NEXN: variants seen among roughly 807,000 people sequenced by gnomAD.
The protein encoded by NEXN is nexilin F-actin binding protein.
Under a neutral mutation model 92.6 loss-of-function variants are expected in NEXN, and 65 were observed. The ratio of observed to expected loss-of-function variants is 0.70; its 90% CI spans 0.57 to 0.86. NEXN has a LOEUF of 0.86. NEXN is among the 40% of genes least tolerant of loss of function. The probability of loss-of-function intolerance (pLI) is 0.00; values close to 1 mark genes in which losing one functional copy is unlikely to be tolerated. For missense variants in NEXN, 778 were observed against 771.1 expected (o/e 1.01, Z -0.11); for synonymous variants, 254 against 242.5 (o/e 1.05, Z -0.44).
At chr1:77,933,187 C>G in intron 9 of NEXN, 95 bp from the exon 10 acceptor site, 1 of 879,790 alleles carries the variant, frequency 1.1e-6, no homozygotes, top group Admixed American at 2.7e-5. Flanking sequence ...AAACTAAAAA[C>G]AAACAAAAAA....
chr1:77,933,601 G>A (rs1341427219), intron 10 of NEXN, 122 bp downstream of exon 10: 1 of 786,382 alleles, frequency 1.3e-6, no homozygotes, highest in Non-Finnish European at 2.1e-6. Context: ...GTATTATGAG[G>A]TGCTTACATG....
intron 11 of NEXN, among the ~76,000 whole-genome samples, chr1:77,938,553 A>T (rs944056494): frequency 5.3e-5 from 8 of 150,242 alleles, no homozygotes; most frequent in Non-Finnish European, 1.0e-4. Context: ...GGAGGCTGAG[A>T]CTGCACTCCA....
Position 77,943,203 on chromosome 1 carries a change from G to A in NEXN, c.*374G>A. Reference sequence around the variant, plus strand: ...TATTATAAAGACTGTATTTCCCATAGACGTTTACAGCAACTATGTTTAAAA... The same window carrying A: ...TATTATAAAGACTGTATTTCCCATAAACGTTTACAGCAACTATGTTTAAAA... On this transcript the variant is annotated 3_prime_UTR_variant, in exon 13 of 13. Coordinates refer to ENST00000334785, the MANE Select transcript of NEXN (RefSeq NM_144573.4). 4.3e-6 allele frequency: 1 copy of A among 231,900 alleles called. No individual in the cohort carries two copies. Among genetic ancestry groups the A allele is most frequent in the South Asian group, 5.6e-5 (1 of 17,946 alleles). 14.4% of individuals were successfully genotyped at this position (231,900 alleles called of 1,614,324 possible).
chr1:77,899,974 CTA>C (rs1251067543), intron 1 of NEXN, among the ~76,000 whole-genome samples: 4 of 152,254 alleles, frequency 2.6e-5, no homozygotes, highest in South Asian at 2.1e-4. Context: ...CTCTACATTG[CTA>C]TGAGTTTCTT....
At chr1:77,917,119 A>C (rs1384392176) in intron 2 of NEXN, among the ~76,000 whole-genome samples, 1 of 152,214 alleles carries the variant, frequency 6.6e-6, no homozygotes, top group Non-Finnish European at 1.5e-5. Context: ...AATTAGGCTC[A>C]AACTTTAAAG....
chr1:77,890,686 T>G (rs892003083), intron 1 of NEXN, among the ~76,000 whole-genome samples: 4 of 152,114 alleles, frequency 2.6e-5, no homozygotes, highest in African/African-American at 9.7e-5. Flanking sequence ...CTGAGCGGCC[T>G]ATAATGACAT....
At chr1:77,896,123 A>T (rs1647237719) in intron 1 of NEXN, among the ~76,000 whole-genome samples, 1 of 151,880 alleles carries the variant, frequency 6.6e-6, no homozygotes, top group African/African-American at 2.4e-5. Flanking sequence ...GTGAGCAGAA[A>T]TGACACCACT....
rs777852580 is a variant in NEXN, at chr1:77,916,082, C to T, written c.-25C>T. The T allele has an allele frequency of 6.4e-7, 1 of 1,553,026 alleles. No individual in the cohort carries two copies. The highest frequency in any genetic ancestry group is 2.3e-5 in the East Asian group (1 of 43,532). On this transcript the variant is annotated 5_prime_UTR_variant, in exon 2 of 13. Coordinates refer to ENST00000334785, the MANE Select transcript of NEXN (RefSeq NM_144573.4). ...GCAAATATATACAGAGCTTCATAAT[C>T]AGCCCAAGACCACATAGAGCAAACA...
In NEXN at chr1:77,934,041, GCT is replaced by G. The variant is rs374280602; in HGVS notation, c.1251+565_1251+566del. On this transcript the variant is annotated intron_variant, in intron 10 of 12. Transcript: ENST00000334785. Reference sequence around the variant, plus strand: ...TTTTTTTTTTTTGAGATGGAGTCTTGCTCTGTTGCCCAGGCTGGAGTGCAATG... The same window carrying G: ...TTTTTTTTTTTTGAGATGGAGTCTTGCTGTTGCCCAGGCTGGAGTGCAATG... Among the ~76,000 whole-genome samples the G allele has an allele frequency of 6.1e-3, 812 of 132,750 alleles. 8 individuals carry two copies. Among genetic ancestry groups the G allele is most frequent in the African/African-American group, 0.023 (763 of 33,566 alleles). 87.1% of individuals were successfully genotyped at this position (132,750 alleles called of 152,430 possible).
chr1:77,892,224 T>C (rs1402052634), intron 1 of NEXN, among the ~76,000 whole-genome samples: 1 of 152,232 alleles, frequency 6.6e-6, no homozygotes, highest in East Asian at 1.9e-4. Context: ...ATTATTTTTA[T>C]TTCAGTAGCT....
intron 5 of NEXN, among the ~76,000 whole-genome samples, chr1:77,924,813 C>T (rs968983508): frequency 1.3e-5 from 2 of 152,094 alleles, no homozygotes; most frequent in African/African-American, 4.8e-5. Flanking sequence ...GTGCGTGCCA[C>T]CATGCCCAGC....
At chr1:77,913,414 CAA>C (rs1359404853) in intron 1 of NEXN, among the ~76,000 whole-genome samples, 1 of 111,860 alleles carries the variant, frequency 8.9e-6, no homozygotes, top group Non-Finnish European at 1.9e-5. Context: ...GACTCCATCT[CAA>C]AAAAAAAAAA....
intron 1 of NEXN, among the ~76,000 whole-genome samples, chr1:77,910,535 G>C (rs1048699368): frequency 6.6e-5 from 10 of 152,136 alleles, no homozygotes; most frequent in African/African-American, 2.4e-4. Flanking sequence ...GGCGGATCAC[G>C]AGGTCAGGAC....
chr1:77,904,021 C>A (rs1647918268), intron 1 of NEXN, among the ~76,000 whole-genome samples: 1 of 152,140 alleles, frequency 6.6e-6, no homozygotes, highest in Middle Eastern at 3.4e-3. Flanking sequence ...GTGACAGAGT[C>A]TTACTCTGTC....
chr1:77,902,786 C>T (rs1024376776), intron 1 of NEXN, among the ~76,000 whole-genome samples: 25 of 152,028 alleles, frequency 1.6e-4, no homozygotes, highest in African/African-American at 6.0e-4. Context: ...AAGTTTATGC[C>T]AGATACACCT....
At chr1:77,915,585 G>A (rs992852294) in intron 1 of NEXN, among the ~76,000 whole-genome samples, 4 of 152,160 alleles carry the variant, frequency 2.6e-5, no homozygotes, top group African/African-American at 4.8e-5. Flanking sequence ...GCGAGATGGC[G>A]CCACTGCACT....
chr1:77,901,842 G>C (rs1022884342), intron 1 of NEXN, among the ~76,000 whole-genome samples: 26 of 152,268 alleles, frequency 1.7e-4, no homozygotes, highest in African/African-American at 6.3e-4. Flanking sequence ...GGGATCAAAC[G>C]ATCTTTCTAC....
chr1:77,936,024 G>C lies in NEXN; in HGVS notation c.1453G>C (p.Glu485Gln). 1 of 1,613,228 alleles carries C rather than the reference G, an allele frequency of 6.2e-7. No homozygotes were observed. The highest frequency in any genetic ancestry group is 8.5e-7 in the Non-Finnish European group (1 of 1,179,460). ...AATTGACCTTGAAATTAAAGAGCGA[G>C]AAGCTGAAAATTTTCATGAGGTATA... is the stretch of plus-strand genomic sequence containing the variant. ...RAIDLEIKEREAENFHEEDDV... is the reference protein window; with the variant it reads ...RAIDLEIKERQAENFHEEDDV... Residue 485 changes from glutamate to glutamine, a missense_variant, in exon 11 of 13, where the codon GAA becomes CAA. Glu to Gln is a conservative substitution (Grantham distance 29). This residue lies in a region of NEXN where 532 missense variants were observed against 476.7 expected (regional missense o/e 1.12). Transcript: ENST00000334785.
intron 1 of NEXN, among the ~76,000 whole-genome samples, chr1:77,891,747 TAAAAAAAAA>T (rs373772489): frequency 3.1e-5 from 4 of 129,034 alleles, no homozygotes; most frequent in Non-Finnish European, 4.8e-5. Flanking sequence ...GGAAAAAAAG[TAAAAAAAAA>T]AAAAAAAAAA....
Sources: allele counts gnomAD v4.1 joint callset (sites outside exome capture counted in the v4.1 genomes callset), GRCh38; gene constraint gnomAD v4.1.1; regional missense constraint gnomAD v4.1.1; transcripts MANE v1.5; gene names NCBI Gene and HGNC (gene_info 2026-07-23, HGNC 2026-07-21).